Variants in SCLT1 observed in about 807,000 individuals in gnomAD.
SCLT1 encodes sodium channel-associated protein 1.
SCLT1 carries 78 observed loss-of-function variants against 112.8 expected under a neutral mutation model. The observed-to-expected ratio is 0.69, with a 90% CI of 0.58 to 0.83. The LOEUF is 0.83. Among genes scored for constraint, SCLT1 ranks in the 40% least tolerant of loss-of-function variants. The pLI, the probability that SCLT1 is intolerant of heterozygous loss-of-function variation, is 0.00. For synonymous variants in SCLT1, 257 were observed against 254.7 expected, an observed-to-expected ratio of 1.01 and a Z score of -0.09; for missense variants, 747 against 770.4, an observed-to-expected ratio of 0.97 and a Z score of 0.36.
chr4:128,974,858 G>A (rs1214747996), intron 9 of SCLT1, among the ~76,000 whole-genome samples: 1 of 151,722 alleles, frequency 6.6e-6, no homozygotes, highest in Non-Finnish European at 1.5e-5. Context: ...AACACAACTA[G>A]TTAACTATTA....
chr4:129,032,834 C>A (rs1464283987), intron 5 of SCLT1, among the ~76,000 whole-genome samples: 1 of 152,128 alleles, frequency 6.6e-6, no homozygotes, highest in South Asian at 2.1e-4. Context: ...CAGGAAACAA[C>A]AGATGCTGGT....
At position 129,014,351 on chromosome 4, in the gene SCLT1, G is replaced by A. The variant is rs190028377; in HGVS notation, c.291-10475C>T. Among the ~76,000 whole-genome samples, 114 of 152,208 alleles carry A rather than the reference G, an allele frequency of 7.5e-4. 2 individuals are homozygous for A. The highest frequency in any genetic ancestry group is 1.5e-4 in the Non-Finnish European group (10 of 68,018). On this transcript the variant is annotated intron_variant, in intron 5 of 20. Coordinates refer to ENST00000281142, the MANE Select transcript of SCLT1 (RefSeq NM_144643.4). ...TCCAGTTCTGAACCCTTTCTGTATA[G>A]GCAATGGGGTAGATTAGAGGAAAAA...
At chr4:128,914,311 A>T (rs1331114899) in intron 18 of SCLT1, among the ~76,000 whole-genome samples, 1 of 152,046 alleles carries the variant, frequency 6.6e-6, no homozygotes, top group Admixed American at 6.6e-5. Context: ...GATTGTAGTG[A>T]ACCGAGATAG....
intron 13 of SCLT1, among the ~76,000 whole-genome samples, 197 bp from the exon 14 acceptor site, chr4:128,953,037 C>A (rs1343175933): frequency 6.6e-6 from 1 of 151,866 alleles, no homozygotes; most frequent in Non-Finnish European, 1.5e-5. Context: ...AATGGTATAT[C>A]CAAAAGGACC....
chr4:129,021,058 T>A (rs1360510422), intron 5 of SCLT1, among the ~76,000 whole-genome samples: 1 of 152,094 alleles, frequency 6.6e-6, no homozygotes, highest in Non-Finnish European at 1.5e-5. Flanking sequence ...GGTACTCAGT[T>A]CATCTCATCG....
At chr4:128,879,754 T>A (rs993134237), downstream of SCLT1, among the ~76,000 whole-genome samples, 11 of 152,344 alleles carry the variant, frequency 7.2e-5, no homozygotes, top group East Asian at 1.9e-4. Flanking sequence ...ATTGTTTTAG[T>A]TATTTGAAGA....
In SCLT1 at chr4:128,884,304, A is replaced by G. The variant is rs538330931; in HGVS notation, c.*173T>C. The G allele has an allele frequency of 1.0e-4, 52 of 500,356 alleles. No individual in the cohort carries two copies. The highest frequency in any genetic ancestry group is 3.2e-4 in the Admixed American group (9 of 27,720). 31.0% of individuals were successfully genotyped at this position (500,356 alleles called of 1,614,324 possible). A position where few individuals can be genotyped will look rare whatever the true frequency, so the allele number is the denominator to read the frequency against. The stretch of plus-strand genomic sequence containing the variant: ...ATATAGGATTATATTTTCTTTACTT[A>G]CAGGAAGTGGTCACTGCTCTGTTTT... On this transcript the variant is annotated 3_prime_UTR_variant, in exon 21 of 21. Coordinates refer to ENST00000281142, the MANE Select transcript of SCLT1 (RefSeq NM_144643.4).
At chr4:128,986,721 C>T (rs546637758) in intron 9 of SCLT1, among the ~76,000 whole-genome samples, 140 of 152,296 alleles carry the variant, frequency 9.2e-4, no homozygotes, top group South Asian at 3.9e-3. Flanking sequence ...AGAAGAGAAT[C>T]CACTCCTCTG....
At chr4:129,039,813 C>A (rs528465965) in intron 4 of SCLT1, 14 of 176,936 alleles carry the variant, frequency 7.9e-5, no homozygotes, top group Non-Finnish European at 1.2e-4. Context: ...TTAAAGTTGG[C>A]GAAAATATGA....
chr4:128,953,317 C>G (rs752296045), intron 13 of SCLT1, among the ~76,000 whole-genome samples: 13 of 152,124 alleles, frequency 8.5e-5, no homozygotes, highest in Non-Finnish European at 1.9e-4. Context: ...TAATGTCTGG[C>G]TGAATAGAAG....
At chr4:129,034,933 A>T (rs548069588) in intron 5 of SCLT1, among the ~76,000 whole-genome samples, 52 of 152,280 alleles carry the variant, frequency 3.4e-4, no homozygotes, top group African/African-American at 1.2e-3. Context: ...AGATGTAATT[A>T]AATCTCTTTA....
chr4:128,993,660 G>T (rs981971913), intron 8 of SCLT1, among the ~76,000 whole-genome samples: 3 of 151,988 alleles, frequency 2.0e-5, no homozygotes, highest in Non-Finnish European at 4.4e-5. Context: ...ACTCGAGAAG[G>T]TGCAGGGAAG....
At chr4:129,090,449 T>C (rs1393577881) in intron 1 of SCLT1, among the ~76,000 whole-genome samples, 1 of 152,170 alleles carries the variant, frequency 6.6e-6, no homozygotes, top group Non-Finnish European at 1.5e-5. Context: ...GTATAAAATT[T>C]AACTGTATGA....
intron 15 of SCLT1, among the ~76,000 whole-genome samples, chr4:128,946,400 C>T (rs944756368): frequency 1.3e-5 from 2 of 152,028 alleles, no homozygotes; most frequent in African/African-American, 4.8e-5. Context: ...AAGACCCTGT[C>T]ATCTAAAAAA....
intron 5 of SCLT1, chr4:128,873,474 A>G (rs1417724271): frequency 6.6e-6 from 1 of 152,612 alleles, no homozygotes; most frequent in Admixed American, 6.5e-5. Flanking sequence ...GGACTTTCTA[A>G]TTGCAAATGG....
chr4:128,914,114 C>G (rs1735294900), intron 18 of SCLT1, among the ~76,000 whole-genome samples: 1 of 151,980 alleles, frequency 6.6e-6, no homozygotes, highest in African/African-American at 2.4e-5. Flanking sequence ...GCCTGTAATC[C>G]CAGCACTTTG....
At chr4:128,909,816 G>C (rs1264179526) in intron 18 of SCLT1, among the ~76,000 whole-genome samples, 1 of 152,180 alleles carries the variant, frequency 6.6e-6, no homozygotes, top group African/African-American at 2.4e-5. Context: ...TAAAGAACTT[G>C]AAGGCTGGAG....
At chr4:129,044,739 T>G (rs1748019298) in intron 2 of SCLT1, among the ~76,000 whole-genome samples, 1 of 150,654 alleles carries the variant, frequency 6.6e-6, no homozygotes, top group Non-Finnish European at 1.5e-5. Flanking sequence ...AAAAATGAAG[T>G]TCCAATAGAA....
At chr4:129,025,777 A>T (rs13140471) in intron 5 of SCLT1, among the ~76,000 whole-genome samples, 2 of 151,326 alleles carry the variant, frequency 1.3e-5, no homozygotes, top group African/African-American at 4.9e-5. Flanking sequence ...GAGTCAAGAC[A>T]CATCAGTGTG....
Sources: gnomAD v4.1 joint callset for allele counts (sites outside exome capture counted in the v4.1 genomes callset) on GRCh38, gnomAD v4.1.1 for gene constraint, MANE v1.5 for transcripts, NCBI Gene and HGNC (gene_info 2026-07-23, HGNC 2026-07-21) for gene names.